DNER: variants seen among roughly 807,000 people sequenced by gnomAD.
DNER encodes the protein delta and Notch-like epidermal growth factor-related receptor.
A neutral mutation model predicts 78.2 loss-of-function variants in DNER; 33 were observed. The ratio of observed to expected loss-of-function variants is 0.42; its 90% CI spans 0.32 to 0.56. The LOEUF (loss-of-function observed/expected upper bound fraction) is 0.56. Among genes scored for constraint, DNER ranks in the 20% least tolerant of loss-of-function variants. DNER has a pLI of 0.11. For missense variants in DNER, 918 were observed against 975.3 expected (o/e 0.94, Z 0.78); for synonymous variants, 417 against 384.8 (o/e 1.08, Z -0.98).
chr2:229,524,346 G>A (rs1162278631), intron 5 of DNER, among the ~76,000 whole-genome samples: 1 of 152,194 alleles, frequency 6.6e-6, no homozygotes, highest in African/African-American at 2.4e-5. Context: ...AAAATAAAAG[G>A]AGATGTGCGT....
intron 1 of DNER, among the ~76,000 whole-genome samples, chr2:229,683,704 G>T (rs764812570): frequency 6.6e-6 from 1 of 152,138 alleles, no homozygotes; most frequent in Non-Finnish European, 1.5e-5. Flanking sequence ...ACCAGCACAT[G>T]TGGCCAGGCA....
At chr2:229,469,066 A>G (rs1475072116) in intron 7 of DNER, among the ~76,000 whole-genome samples, 2 of 152,244 alleles carry the variant, frequency 1.3e-5, no homozygotes, top group Non-Finnish European at 2.9e-5. Flanking sequence ...GAGTTTCCTC[A>G]TACATAAAAT....
intron 7 of DNER, among the ~76,000 whole-genome samples, chr2:229,469,487 A>C (rs1361793268): frequency 6.6e-6 from 1 of 152,224 alleles, no homozygotes; most frequent in African/African-American, 2.4e-5. Context: ...CCCTTTAGGT[A>C]GCCACTAATA....
intron 1 of DNER, among the ~76,000 whole-genome samples, chr2:229,689,033 C>T (rs909744903): frequency 3.9e-5 from 6 of 152,226 alleles, no homozygotes; most frequent in East Asian, 1.9e-4. Context: ...AAATAGCTAA[C>T]GCATACTGGG....
intron 1 of DNER, among the ~76,000 whole-genome samples, chr2:229,662,760 A>G (rs559829697): frequency 6.6e-6 from 1 of 152,324 alleles, no homozygotes; most frequent in African/African-American, 2.4e-5. Context: ...GTATTTGAGC[A>G]ACCAAGCTCC....
intron 1 of DNER, among the ~76,000 whole-genome samples, chr2:229,683,876 G>T (rs1699430439): frequency 1.3e-5 from 2 of 152,062 alleles, no homozygotes; most frequent in African/African-American, 4.8e-5. Context: ...GTACAGCAGG[G>T]ACAAGGGCAA....
intron 4 of DNER, among the ~76,000 whole-genome samples, chr2:229,559,409 A>ACAT (rs1443342325): frequency 2.6e-5 from 4 of 152,178 alleles, no homozygotes; most frequent in African/African-American, 9.7e-5. Flanking sequence ...TCATACTAGA[A>ACAT]AAATCAACTA....
At chr2:229,478,329 G>A (rs1361185616) in intron 6 of DNER, among the ~76,000 whole-genome samples, 1 of 152,298 alleles carries the variant, frequency 6.6e-6, no homozygotes, top group African/African-American at 2.4e-5. Context: ...TTGAATCTGA[G>A]ATTTACAAAC....
intron 6 of DNER, among the ~76,000 whole-genome samples, chr2:229,510,053 A>T (rs1695832947): frequency 6.6e-6 from 1 of 152,142 alleles, no homozygotes; most frequent in Admixed American, 6.6e-5. Context: ...CAAAAAGGAG[A>T]CAGGGAGGAA....
intron 8 of DNER, among the ~76,000 whole-genome samples, chr2:229,441,231 TGGAAA>T: frequency 6.6e-6 from 1 of 152,136 alleles, no homozygotes; most frequent in Non-Finnish European, 1.5e-5. Flanking sequence ...TCCAACTCAT[TGGAAA>T]TTCTGAACTA....
intron 6 of DNER, among the ~76,000 whole-genome samples, chr2:229,495,373 G>A (rs1261165624): frequency 6.6e-6 from 1 of 152,156 alleles, no homozygotes; most frequent in Non-Finnish European, 1.5e-5. Context: ...CATATCTATG[G>A]TCAGCAAGCT....
intron 5 of DNER, among the ~76,000 whole-genome samples, chr2:229,545,089 C>T (rs542585208): frequency 6.6e-6 from 1 of 152,238 alleles, no homozygotes; most frequent in East Asian, 1.9e-4. Flanking sequence ...AATCCACTGT[C>T]ACTGAACATT....
chr2:229,377,580 T>C (rs1370050426), intron 11 of DNER, among the ~76,000 whole-genome samples: 3 of 152,222 alleles, frequency 2.0e-5, no homozygotes, highest in Non-Finnish European at 4.4e-5. Flanking sequence ...CCTTAAAACA[T>C]GTGTAAATCA....
intron 1 of DNER, among the ~76,000 whole-genome samples, chr2:229,633,015 T>A (rs1489582671): frequency 2.0e-5 from 3 of 152,220 alleles, no homozygotes; most frequent in Non-Finnish European, 4.4e-5. Flanking sequence ...GTAAAACTGA[T>A]CTCAACATTA....
At chr2:229,557,529 C>T (rs1696873593) in intron 4 of DNER, among the ~76,000 whole-genome samples, 1 of 152,056 alleles carries the variant, frequency 6.6e-6, no homozygotes, top group African/African-American at 2.4e-5. Flanking sequence ...TCTTTTTAGG[C>T]TGAAGAACTG....
intron 1 of DNER, among the ~76,000 whole-genome samples, chr2:229,702,413 A>G (rs1369958730): frequency 6.6e-6 from 1 of 152,020 alleles, no homozygotes; most frequent in South Asian, 2.1e-4. Context: ...GTGCATGCCT[A>G]TAGTCCCAGC....
At chr2:229,516,800 A>AAAAAAAAAAAAAAAG (rs1553536934) in intron 5 of DNER, among the ~76,000 whole-genome samples, 2 of 131,234 alleles carry the variant, frequency 1.5e-5, no homozygotes, top group Non-Finnish European at 3.1e-5. Context: ...AAAAAAAAAA[A>AAAAAAAAAAAAAAAG]AAAAGAAAAG....
intron 1 of DNER, among the ~76,000 whole-genome samples, chr2:229,707,653 G>A (rs1699850944): frequency 6.6e-6 from 1 of 152,232 alleles, no homozygotes; most frequent in Non-Finnish European, 1.5e-5. Flanking sequence ...AACTGGGGGA[G>A]AAGAGAGCAG....
At chr2:229,645,919 G>A (rs1182165052) in intron 1 of DNER, among the ~76,000 whole-genome samples, 1 of 152,208 alleles carries the variant, frequency 6.6e-6, no homozygotes, top group East Asian at 1.9e-4. Flanking sequence ...AGTCCTGAGA[G>A]CCACAGTTGG....
Sources: allele counts gnomAD v4.1 joint callset (sites outside exome capture counted in the v4.1 genomes callset), GRCh38; gene constraint gnomAD v4.1.1; transcripts MANE v1.5; gene names NCBI Gene and HGNC (gene_info 2026-07-23, HGNC 2026-07-21).